Variants in LINGO2 observed in about 807,000 individuals in gnomAD.
LINGO2 encodes the protein leucine-rich repeat and immunoglobulin-like domain-containing nogo receptor-interacting protein 2.
A neutral mutation model predicts 30.6 loss-of-function variants in LINGO2; 14 were observed. That is an observed-to-expected ratio of 0.46 (90% CI 0.30 to 0.72). The LOEUF is 0.72. Among genes scored for constraint, LINGO2 ranks in the 30% least tolerant of loss-of-function variants. The pLI is 0.07. For missense variants in LINGO2, 729 were observed against 751.7 expected (o/e 0.97, Z 0.35); for synonymous variants, 317 against 288.5 (o/e 1.10, Z -1.00).
intron 1 of LINGO2, among the ~76,000 whole-genome samples, chr9:28,510,892 C>G (rs1820356404): frequency 1.3e-5 from 2 of 152,256 alleles, no homozygotes; most frequent in Admixed American, 6.5e-5. Flanking sequence ...AGTCCCAAAA[C>G]TGAAGAACTT....
chr9:28,585,507 T>G (rs981203339), intron 1 of LINGO2, among the ~76,000 whole-genome samples: 8 of 151,986 alleles, frequency 5.3e-5, no homozygotes, highest in African/African-American at 1.9e-4. Context: ...AAACCATACT[T>G]CAGTACAGTA....
At chr9:28,353,824 TA>T (rs1251547230) in intron 3 of LINGO2, among the ~76,000 whole-genome samples, 1 of 151,878 alleles carries the variant, frequency 6.6e-6, no homozygotes, top group Non-Finnish European at 1.5e-5. Context: ...TATGCAGCCA[TA>T]AAAAATGATG....
the LINGO2 span, among the ~76,000 whole-genome samples, chr9:29,108,724 T>C: frequency 4.6e-5 from 7 of 152,294 alleles, no homozygotes; most frequent in African/African-American, 1.7e-4. Context: ...ACATGGATAA[T>C]GCAGAGTTAA....
the LINGO2 span, among the ~76,000 whole-genome samples, chr9:29,171,097 G>T: frequency 6.6e-6 from 1 of 152,072 alleles, no homozygotes; most frequent in Non-Finnish European, 1.5e-5. Context: ...TACCGGACAT[G>T]CAGTACTATG....
intron 4 of LINGO2, among the ~76,000 whole-genome samples, chr9:28,085,902 C>T (rs1432030600): frequency 3.3e-5 from 5 of 152,022 alleles, no homozygotes; most frequent in Admixed American, 6.6e-5. Context: ...TGAGGTAGTT[C>T]TCTATGTACT....
chr9:28,987,048 G>A, the LINGO2 span, among the ~76,000 whole-genome samples: 1 of 133,514 alleles, frequency 7.5e-6, no homozygotes, highest in Non-Finnish European at 1.6e-5. Flanking sequence ...TAATATTATT[G>A]TATTTGTTTA....
chr9:29,034,451 C>T, the LINGO2 span, among the ~76,000 whole-genome samples: 2 of 152,108 alleles, frequency 1.3e-5, no homozygotes, highest in African/African-American at 2.4e-5. Flanking sequence ...GCCCAGCAAA[C>T]TGTAAGCATT....
chr9:28,703,727 C>A, the LINGO2 span, among the ~76,000 whole-genome samples: 3 of 151,836 alleles, frequency 2.0e-5, no homozygotes, highest in Admixed American at 2.0e-4. Context: ...TTCTCTCTCT[C>A]TTTTTTTAAC....
At chr9:28,955,434 C>T in the LINGO2 span, among the ~76,000 whole-genome samples, 2 of 152,072 alleles carry the variant, frequency 1.3e-5, no homozygotes, top group African/African-American at 2.4e-5. Flanking sequence ...AGGAAGATTG[C>T]TGCCTTTTCC....
At chr9:28,884,666 C>A in the LINGO2 span, among the ~76,000 whole-genome samples, 7 of 84,404 alleles carry the variant, frequency 8.3e-5, no homozygotes, top group Non-Finnish European at 1.2e-4. Flanking sequence ...AATGTATTTT[C>A]CATATATATA....
chr9:28,985,295 T>C, the LINGO2 span, among the ~76,000 whole-genome samples: 2 of 152,108 alleles, frequency 1.3e-5, no homozygotes, highest in African/African-American at 2.4e-5. Context: ...GTTGATTCCA[T>C]ATCTTGGCTG....
chr9:28,944,046 A>AT, the LINGO2 span, among the ~76,000 whole-genome samples: 1 of 152,224 alleles, frequency 6.6e-6, no homozygotes, highest in Non-Finnish European at 1.5e-5. Context: ...TTCACATAAC[A>AT]TTCATCACAG....
intron 4 of LINGO2, among the ~76,000 whole-genome samples, chr9:28,270,682 C>T (rs904706821): frequency 1.3e-5 from 2 of 152,114 alleles, no homozygotes; most frequent in East Asian, 3.9e-4. Flanking sequence ...GCTCTGCCAA[C>T]TAGTTCTTCC....
At chr9:28,158,475 G>C (rs578145796) in intron 4 of LINGO2, among the ~76,000 whole-genome samples, 3 of 152,166 alleles carry the variant, frequency 2.0e-5, no homozygotes, top group Non-Finnish European at 2.9e-5. Flanking sequence ...GGAGTTTGAA[G>C]ACAAAAGAAA....
At chr9:28,970,747 T>G in the LINGO2 span, among the ~76,000 whole-genome samples, 1 of 152,166 alleles carries the variant, frequency 6.6e-6, no homozygotes, top group Admixed American at 6.5e-5. Context: ...CCTGCGATCC[T>G]TGACACAATA....
At chr9:28,722,135 A>G in the LINGO2 span, among the ~76,000 whole-genome samples, 1 of 152,140 alleles carries the variant, frequency 6.6e-6, no homozygotes, top group African/African-American at 2.4e-5. Context: ...ATTATGATCT[A>G]TTTCAAGAAA....
the LINGO2 span, among the ~76,000 whole-genome samples, chr9:28,771,312 G>T: frequency 0.061 from 9,187 of 151,296 alleles, 386 homozygotes; most frequent in Non-Finnish European, 0.084. Flanking sequence ...AAGAAATGCT[G>T]CTAAAAGATC....
rs184195736 is a variant in LINGO2 at position 28,190,606 on chromosome 9, C to A, written c.-87+104602G>T. On this transcript the variant is annotated intron_variant, in intron 4 of 5. Transcript: ENST00000379992. ...ATCTATGAATCACAAAGAGGGTCTGCACCAGGCACAGAATTTACTGATGCC... is the reference window on the plus strand; with the variant it reads ...ATCTATGAATCACAAAGAGGGTCTGAACCAGGCACAGAATTTACTGATGCC... Among the ~76,000 whole-genome samples the A allele has an allele frequency of 2.0e-3, 303 of 152,286 alleles. 7 individuals carry two copies. Among genetic ancestry groups the A allele is most frequent in the Non-Finnish European group, 2.1e-4 (14 of 68,020 alleles).
chr9:29,035,178 A>G, the LINGO2 span, among the ~76,000 whole-genome samples: 1 of 152,070 alleles, frequency 6.6e-6, no homozygotes, highest in African/African-American at 2.4e-5. Context: ...TTATAAAACC[A>G]TCATGTTAGA....
Sources: allele counts gnomAD v4.1 joint callset (sites outside exome capture counted in the v4.1 genomes callset), GRCh38; gene constraint gnomAD v4.1.1; transcripts MANE v1.5; gene names NCBI Gene and HGNC (gene_info 2026-07-23, HGNC 2026-07-21).